MCF2L: variants seen among roughly 807,000 people sequenced by gnomAD.
The protein encoded by MCF2L is guanine nucleotide exchange factor DBS.
MCF2L carries 97 observed loss-of-function variants against 153.4 expected under a neutral mutation model. That is an observed-to-expected ratio of 0.63 (90% confidence interval 0.54 to 0.75). MCF2L has a LOEUF of 0.75. MCF2L is among the 30% of genes least tolerant of loss of function. The pLI is 0.00. For synonymous variants in MCF2L, 659 were observed against 632.2 expected (o/e 1.04, Z -0.64); for missense variants, 1,347 against 1,495.2 (o/e 0.90, Z 1.64).
chr13:113,059,876 G>C (rs141850214), intron 4 of MCF2L, among the ~76,000 whole-genome samples: 2 of 152,344 alleles, frequency 1.3e-5, no homozygotes, highest in East Asian at 3.9e-4. Flanking sequence ...ATTTTTGTAG[G>C]TAACACACAC....
intron 2 of MCF2L, chr13:112,909,247 C>T (rs949417802): frequency 1.3e-6 from 1 of 779,670 alleles, no homozygotes; most frequent in Non-Finnish European, 2.4e-6. Context: ...CTTGTGATTC[C>T]AGCAGAGGTC....
chr13:112,999,028 G>A (rs555555385), intron 1 of MCF2L, among the ~76,000 whole-genome samples: 1 of 152,336 alleles, frequency 6.6e-6, no homozygotes, highest in East Asian at 1.9e-4. Flanking sequence ...TTTCCCGTGT[G>A]TGGTTCGGGC....
At position 113,076,098 on chromosome 13, in the gene MCF2L, A is replaced by G; in HGVS notation, c.1441A>G (p.Ile481Val). The G allele has an allele frequency of 6.2e-7, 1 of 1,613,986 alleles. No homozygotes were observed. The highest frequency in any genetic ancestry group is 8.5e-7 in the Non-Finnish European group (1 of 1,180,012). Residue 481 changes from isoleucine to valine, a missense_variant, in exon 12 of 30, where the codon ATC (isoleucine) becomes GTC (valine). Coordinates refer to ENST00000535094, the MANE Select transcript of MCF2L (RefSeq NM_001112732.3). ...KFLETGAENK[I>V]QELNAIYKEY... is the part of the protein sequence containing the mutation. ...TTTGGAGACCGGTGCGGAAAATAAG[A>G]TCCAGGAGCTCAACGCGATTTACAA...
intron 1 of MCF2L, among the ~76,000 whole-genome samples, chr13:112,992,705 G>T (rs2082940751): frequency 6.6e-6 from 1 of 152,204 alleles, no homozygotes; most frequent in African/African-American, 2.4e-5. Flanking sequence ...GCTGGGGAAA[G>T]GTGGAACTTG....
intron 2 of MCF2L, among the ~76,000 whole-genome samples, chr13:112,953,781 C>A (rs189700181): frequency 2.6e-5 from 4 of 152,298 alleles, no homozygotes; most frequent in Non-Finnish European, 5.9e-5. Flanking sequence ...TGAGCCTGAC[C>A]CCAGCCAGAC....
intron 4 of MCF2L, among the ~76,000 whole-genome samples, chr13:113,049,202 G>T: frequency 6.6e-6 from 1 of 152,248 alleles, no homozygotes; most frequent in East Asian, 1.9e-4. Flanking sequence ...GAGGCGGGCA[G>T]TGGTGGCACT....
chr13:112,988,850 C>A (rs34495078), intron 1 of MCF2L, among the ~76,000 whole-genome samples: 1 of 25,328 alleles, frequency 3.9e-5, no homozygotes, highest in Non-Finnish European at 9.9e-5. Context: ...CTACCACGCC[C>A]AAGTCCTCCC....
Position 112,955,651 on chromosome 13 carries a change from A to G in MCF2L, c.169+53280A>G, listed in dbSNP as rs570736397. ...ACCCAGGCAGGTGACTCTGGGACCCAAACTCTGAACCCCTTTGCCATAAGG... is the reference window on the plus strand; with the variant it reads ...ACCCAGGCAGGTGACTCTGGGACCCGAACTCTGAACCCCTTTGCCATAAGG... On this transcript the variant is annotated intron_variant, in intron 2 of 29. Transcript: ENST00000375608. Among the ~76,000 whole-genome samples the G allele has an allele frequency of 2.6e-5, 4 of 152,256 alleles. No individual in the cohort carries two copies. The East Asian group carries it at 7.7e-4, about 29-fold the overall frequency.
chr13:112,898,548 C>A (rs955708133), intron 1 of MCF2L, among the ~76,000 whole-genome samples: 1 of 152,140 alleles, frequency 6.6e-6, no homozygotes, highest in South Asian at 2.1e-4. Flanking sequence ...GCAGGGGTAA[C>A]GCCCACGGCC....
chr13:112,980,636 C>CCCCTTTCCCCCGCCTTT lies in MCF2L; in HGVS notation c.79+11194_79+11195insTCCCTTTCCCCCGCCTT, dbSNP rs1555358170. ...GGAGAGCCTCTCAGGCTGCCGCCTTCCCCTTTCCCCCGCCTTCCCCTTTCC... is the reference window on the plus strand; with the variant it reads ...GGAGAGCCTCTCAGGCTGCCGCCTTCCCCTTTCCCCCGCCTTTCCCTTTCCCCCGCCTTCCCCTTTCC... On this transcript the variant is annotated intron_variant, in intron 1 of 29. Coordinates refer to ENST00000535094, the MANE Select transcript of MCF2L (RefSeq NM_001112732.3). 9.5e-3 allele frequency among the ~76,000 whole-genome samples: 1,441 copies of CCCCTTTCCCCCGCCTTT among 151,646 alleles called. 48 individuals are homozygous for CCCCTTTCCCCCGCCTTT. Among genetic ancestry groups the CCCCTTTCCCCCGCCTTT allele is most frequent in the African/African-American group, 0.033 (1,373 of 41,318 alleles).
chr13:112,924,280 G>A (rs1057392729), intron 2 of MCF2L, among the ~76,000 whole-genome samples: 1 of 152,086 alleles, frequency 6.6e-6, no homozygotes, highest in Non-Finnish European at 1.5e-5. Flanking sequence ...TACAGAGACA[G>A]CACAGACACG....
intron 26 of MCF2L, chr13:113,090,995 C>T (rs756940578): frequency 4.8e-5 from 59 of 1,237,810 alleles, no homozygotes; most frequent in African/African-American, 1.5e-4. Flanking sequence ...CCTTTTTCAT[C>T]GGTGGAAAGG....
chr13:112,929,372 C>T (rs546006297), intron 2 of MCF2L, among the ~76,000 whole-genome samples: 1 of 152,316 alleles, frequency 6.6e-6, no homozygotes, highest in African/African-American at 2.4e-5. Context: ...GGCTGCAGGA[C>T]GCTGTCAGCA....
At chr13:112,905,654 G>A (rs901700007) in intron 2 of MCF2L, among the ~76,000 whole-genome samples, 3 of 152,174 alleles carry the variant, frequency 2.0e-5, no homozygotes, top group African/African-American at 7.2e-5. Context: ...TCATGTAACT[G>A]GAGGTTATTA....
chr13:113,038,771 A>T lies in MCF2L; in HGVS notation c.279-6500A>T, dbSNP rs118139951. Reference sequence around the variant, plus strand: ...GACATTATTAAAGTGACAGTGATTAACACAGATGGTGTAAACAGAAGAGCA... The same window carrying T: ...GACATTATTAAAGTGACAGTGATTATCACAGATGGTGTAAACAGAAGAGCA... On this transcript the variant is annotated intron_variant, in intron 3 of 29. Transcript: ENST00000535094. Among the ~76,000 whole-genome samples, 833 of 152,360 alleles carry T rather than the reference A, an allele frequency of 5.5e-3. 1 individual carries two copies. Among genetic ancestry groups the T allele is most frequent in the Admixed American group, 9.3e-3 (143 of 15,306 alleles).
intron 27 of MCF2L, 103 bp downstream of exon 27, chr13:113,094,738 C>T: frequency 7.2e-7 from 1 of 1,387,990 alleles, no homozygotes; most frequent in Non-Finnish European, 9.7e-7. Flanking sequence ...GGACACAGCC[C>T]CAGCTCCTCC....
chr13:112,981,162 C>T (rs1326284355), intron 1 of MCF2L, among the ~76,000 whole-genome samples: 1 of 151,864 alleles, frequency 6.6e-6, no homozygotes, highest in African/African-American at 2.4e-5. Context: ...GACATGTCCC[C>T]TTCCTGCGCA....
intron 2 of MCF2L, among the ~76,000 whole-genome samples, chr13:112,962,243 T>A (rs2081839726): frequency 6.6e-6 from 1 of 150,702 alleles, no homozygotes; most frequent in Non-Finnish European, 1.5e-5. Context: ...GCACACACAC[T>A]TGCATGCAGA....
chr13:112,947,275 A>AC (rs1216492423), intron 2 of MCF2L, among the ~76,000 whole-genome samples: 2 of 151,992 alleles, frequency 1.3e-5, no homozygotes, highest in African/African-American at 4.8e-5. Context: ...ATAGCATTCC[A>AC]CCCCCAGCTC....
Sources: gnomAD v4.1 joint callset for allele counts (sites outside exome capture counted in the v4.1 genomes callset) on GRCh38, gnomAD v4.1.1 for gene constraint, MANE v1.5 for transcripts, NCBI Gene and HGNC (gene_info 2026-07-23, HGNC 2026-07-21) for gene names.